The following RAPGEF4 variants were observed in gnomAD, a reference collection of about 807,000 sequenced individuals.
The protein encoded by RAPGEF4 is Rap guanine nucleotide exchange factor 4.
A neutral mutation model predicts 147.9 loss-of-function variants in RAPGEF4; 66 were observed. The observed-to-expected ratio is 0.45, with a 90% CI of 0.37 to 0.55. The LOEUF is 0.55. Ranked by LOEUF, RAPGEF4 falls within the 20% of genes least tolerant of loss-of-function variation. The pLI, the probability that RAPGEF4 is intolerant of heterozygous loss-of-function variation, is 0.00. For synonymous variants in RAPGEF4, 419 were observed against 442.7 expected (o/e 0.95, Z 0.67); for missense variants, 1,071 against 1,257.3 (o/e 0.85, Z 2.24).
At chr2:172,851,892 CA>C (rs1307777047) in intron 4 of RAPGEF4, among the ~76,000 whole-genome samples, 3 of 152,134 alleles carry the variant, frequency 2.0e-5, no homozygotes, top group African/African-American at 7.2e-5. Flanking sequence ...ATATATACAT[CA>C]AACTCCCGAG....
At chr2:173,051,487 C>T (rs116465128) in intron 30 of RAPGEF4, among the ~76,000 whole-genome samples, 153 bp from the exon 31 acceptor site, 1,954 of 152,092 alleles carry the variant, frequency 0.013, 38 homozygotes, top group African/African-American at 0.044. Flanking sequence ...ATGGAACAAC[C>T]AAGTGGAAAC....
chr2:173,042,300 T>C lies in RAPGEF4; in HGVS notation c.2853+5608T>C, dbSNP rs181405367. Among the ~76,000 whole-genome samples the C allele has an allele frequency of 1.3e-5, 2 of 152,356 alleles. No homozygotes were observed. The highest frequency in any genetic ancestry group is 1.3e-4 in the Admixed American group (2 of 15,310). ...GCACGAAAGCATTTTTCAAATATTT[T>C]ATGTAATAAATCCAAAAGTGTCTTC... On this transcript the variant is annotated intron_variant, in intron 29 of 30. Coordinates refer to ENST00000397081, the MANE Select transcript of RAPGEF4 (RefSeq NM_007023.4). The surrounding 1 kb of genome is among the most constrained non-coding windows in gnomAD (Gnocchi z 4.2).
chr2:172,938,247 A>G (rs1431656374), intron 6 of RAPGEF4, among the ~76,000 whole-genome samples: 1 of 151,930 alleles, frequency 6.6e-6, no homozygotes, highest in Non-Finnish European at 1.5e-5. Flanking sequence ...ACACACACAG[A>G]CAACCATCTG....
chr2:172,892,204 A>T lies in RAPGEF4; in HGVS notation c.445-25598A>T, dbSNP rs114695964. 3.6e-3 allele frequency among the ~76,000 whole-genome samples: 546 copies of T among 152,106 alleles called. 3 individuals carry two copies. Among genetic ancestry groups the T allele is most frequent in the African/African-American group, 0.013 (532 of 41,492 alleles). ...CAGATGCTTGCCCGTTCCCCTGAGA[A>T]CTCTGTCCCTGAGGTCCAGCTAGGA... On this transcript the variant is annotated intron_variant, in intron 4 of 30. Coordinates refer to ENST00000397081, the MANE Select transcript of RAPGEF4 (RefSeq NM_007023.4).
At chr2:172,931,178 G>C (rs866228819) in intron 6 of RAPGEF4, among the ~76,000 whole-genome samples, 1,071 of 106,644 alleles carry the variant, frequency 0.01, 81 homozygotes, top group African/African-American at 0.035. Context: ...GGGGTGGGGG[G>C]GGGGGGCGCT....
upstream of RAPGEF4, chr2:172,735,825 C>A: frequency 2.3e-6 from 1 of 437,612 alleles, no homozygotes. Flanking sequence ...CCCCAGGCCG[C>A]GGGAGCCCGC....
chr2:172,968,561 C>G (rs1270716469), intron 10 of RAPGEF4, among the ~76,000 whole-genome samples: 2 of 152,162 alleles, frequency 1.3e-5, no homozygotes, highest in Non-Finnish European at 2.9e-5. Context: ...TCTCCCACAC[C>G]ATGTGTTTCA....
At chr2:172,784,694 A>G (rs1001366797) in intron 1 of RAPGEF4, among the ~76,000 whole-genome samples, 15 of 152,248 alleles carry the variant, frequency 9.9e-5, no homozygotes, top group Admixed American at 9.2e-4. Flanking sequence ...TAAAATAATA[A>G]CATAAGTGGT....
rs188279600 is a variant in RAPGEF4 at position 172,863,517 on chromosome 2, T to C, written c.444+49092T>C. On this transcript the variant is annotated intron_variant, in intron 4 of 30. Coordinates refer to ENST00000397081, the MANE Select transcript of RAPGEF4 (RefSeq NM_007023.4). ...TGAGGGGATACAAATAGTGTCAGGG[T>C]TGGGAAGAAAAAAGAGCACGAGGAA... 5.3e-5 allele frequency among the ~76,000 whole-genome samples: 8 copies of C among 152,012 alleles called. No individual in the cohort carries two copies. The East Asian group carries it at 1.4e-3, about 26-fold the overall frequency.
intron 4 of RAPGEF4, among the ~76,000 whole-genome samples, chr2:172,887,216 GA>G (rs948365557): frequency 1.7e-4 from 25 of 148,208 alleles, no homozygotes; most frequent in Non-Finnish European, 3.3e-4. Flanking sequence ...AAGAAAAAAA[GA>G]AAAAAAAAGA....
At chr2:172,817,301 T>C (rs1688605105) in intron 4 of RAPGEF4, among the ~76,000 whole-genome samples, 1 of 152,200 alleles carries the variant, frequency 6.6e-6, no homozygotes, top group African/African-American at 2.4e-5. Flanking sequence ...TAAATAACTT[T>C]AGGTGCATGA....
At chr2:172,801,459 C>A (rs752450544) in intron 3 of RAPGEF4, among the ~76,000 whole-genome samples, 5 of 152,116 alleles carry the variant, frequency 3.3e-5, no homozygotes, top group South Asian at 2.1e-4. Context: ...AGGTTTCAGA[C>A]CCTCAGTGGG....
chr2:172,761,732 A>G (rs551360858), intron 1 of RAPGEF4, among the ~76,000 whole-genome samples: 1 of 152,346 alleles, frequency 6.6e-6, no homozygotes, highest in Non-Finnish European at 1.5e-5. Context: ...TTAAAGTTGC[A>G]TAACTTGCAA....
chr2:172,920,357 T>C (rs1685656731), intron 5 of RAPGEF4, among the ~76,000 whole-genome samples: 2 of 152,190 alleles, frequency 1.3e-5, no homozygotes, highest in Non-Finnish European at 1.5e-5. Context: ...ATAGCTGGCA[T>C]GATTTTCCTT....
At chr2:172,877,597 A>C (rs924561642) in intron 4 of RAPGEF4, among the ~76,000 whole-genome samples, 2 of 151,760 alleles carry the variant, frequency 1.3e-5, no homozygotes, top group Non-Finnish European at 2.9e-5. Flanking sequence ...GCTGTTCCCT[A>C]CTGGAACTAA....
At chr2:172,766,195 T>C (rs969083754) in intron 1 of RAPGEF4, among the ~76,000 whole-genome samples, 2 of 152,158 alleles carry the variant, frequency 1.3e-5, no homozygotes, top group African/African-American at 4.8e-5. Context: ...AACAGCTTTA[T>C]TGAGGTAGAC....
intron 4 of RAPGEF4, chr2:172,917,431 T>A (rs1477235541): frequency 1.9e-6 from 1 of 529,698 alleles, no homozygotes; most frequent in African/African-American, 1.9e-5. Context: ...GCACATTTAT[T>A]TGTATCTGCA....
At chr2:172,987,916 G>A (rs1692438904) in intron 12 of RAPGEF4, among the ~76,000 whole-genome samples, 1 of 152,230 alleles carries the variant, frequency 6.6e-6, no homozygotes, top group South Asian at 2.1e-4. Context: ...AATTGTGGAA[G>A]AAATGTGTAT....
At chr2:172,811,106 T>C (rs1687978583) in intron 3 of RAPGEF4, among the ~76,000 whole-genome samples, 1 of 152,216 alleles carries the variant, frequency 6.6e-6, no homozygotes, top group Non-Finnish European at 1.5e-5. Flanking sequence ...CTGGGGTGTT[T>C]ATCTTCCCAC....
Sources: allele counts gnomAD v4.1 joint callset (sites outside exome capture counted in the v4.1 genomes callset), GRCh38; gene constraint gnomAD v4.1.1; non-coding constraint Gnocchi (gnomAD v3.1); transcripts MANE v1.5; gene names NCBI Gene and HGNC (gene_info 2026-07-23, HGNC 2026-07-21).